The following DAB1 variants were observed in gnomAD, a reference collection of about 807,000 sequenced individuals.
The protein encoded by DAB1 is disabled homolog 1.
Under a neutral mutation model 64.6 loss-of-function variants are expected in DAB1, and 15 were observed. The observed-to-expected ratio is 0.23, with a 90% CI of 0.16 to 0.36. The LOEUF is 0.36. Among genes scored for constraint, DAB1 ranks in the 10% least tolerant of loss-of-function variants. The pLI is 1.00. For synonymous variants in DAB1, 235 were observed against 251.9 expected (o/e 0.93, Z 0.64); for missense variants, 596 against 706.7 (o/e 0.84, Z 1.78).
rs35817738 is a variant in DAB1 at position 58,313,819 on chromosome 1, A to ATGTGTGTGTG, written n.309+29523_309+29532dup. Among the ~76,000 whole-genome samples, 404 of 120,000 alleles carry ATGTGTGTGTG rather than the reference A, an allele frequency of 3.4e-3. 1 individual carries two copies. The highest frequency in any genetic ancestry group is 6.8e-3 in the African/African-American group (190 of 28,086). The allele number at this position is 120,000 out of a possible 152,430, so 78.7% of individuals were successfully genotyped here. A position where few individuals can be genotyped will look rare whatever the true frequency, so the allele number is the denominator to read the frequency against. The stretch of plus-strand genomic sequence containing the variant: ...GTGGCCATCCTCTCATTGTATCTTC[A>ATGTGTGTGTG]TGTGTGTGTGTGTGTGTGTGTGTGT... On this transcript the variant is annotated intron_variant and non_coding_transcript_variant, in intron 4 of 20. Transcript: ENST00000485760.
chr1:57,337,968 CCCT>C (rs1169346111), intron 1 of DAB1, among the ~76,000 whole-genome samples: 18 of 148,232 alleles, frequency 1.2e-4, no homozygotes, highest in South Asian at 4.5e-4. Flanking sequence ...TCTCTTTTCT[CCCT>C]CCTCCTCCTC....
chr1:58,210,563 C>T (rs1272117778), intron 4 of DAB1, among the ~76,000 whole-genome samples: 3 of 152,190 alleles, frequency 2.0e-5, no homozygotes, highest in Admixed American at 1.3e-4. Context: ...CAATTCATAT[C>T]CAGACAATTC....
chr1:57,222,775 G>T, intron 2 of DAB1, among the ~76,000 whole-genome samples: 1 of 152,192 alleles, frequency 6.6e-6, no homozygotes, highest in Non-Finnish European at 1.5e-5. Flanking sequence ...GTGCATGTTG[G>T]TTGTAACTCC....
intron 2 of DAB1, among the ~76,000 whole-genome samples, chr1:57,209,410 G>T (rs966505173): frequency 6.6e-6 from 1 of 152,208 alleles, no homozygotes; most frequent in African/African-American, 2.4e-5. Context: ...TCTTCACGTT[G>T]CAAACTGGCT....
At chr1:58,520,372 A>T (rs2100450622) in intron 2 of DAB1, among the ~76,000 whole-genome samples, 1 of 152,354 alleles carries the variant, frequency 6.6e-6, no homozygotes, top group Non-Finnish European at 1.5e-5. Context: ...CAAGAATAAG[A>T]ACACAAACTT....
chr1:57,992,564 T>C (rs756855996), intron 5 of DAB1, among the ~76,000 whole-genome samples: 34 of 152,278 alleles, frequency 2.2e-4, no homozygotes, highest in Admixed American at 3.9e-4. Context: ...TAGGTGTTTA[T>C]GATGTGCCCC....
chr1:58,125,881 G>C (rs2100682029), intron 5 of DAB1, among the ~76,000 whole-genome samples: 1 of 152,272 alleles, frequency 6.6e-6, no homozygotes, highest in South Asian at 2.1e-4. Flanking sequence ...GTTTATGACA[G>C]TATCACTCCA....
At chr1:57,260,978 T>A (rs1425135449) in intron 2 of DAB1, among the ~76,000 whole-genome samples, 2 of 152,198 alleles carry the variant, frequency 1.3e-5, no homozygotes, top group African/African-American at 4.8e-5. Context: ...AACCTCTCTG[T>A]GCCTCAATTT....
chr1:58,068,867 A>C (rs888627318), intron 5 of DAB1, among the ~76,000 whole-genome samples: 1 of 152,098 alleles, frequency 6.6e-6, no homozygotes, highest in African/African-American at 2.4e-5. Context: ...GGGAATGAAG[A>C]AAGGCAAACT....
intron 10 of DAB1, among the ~76,000 whole-genome samples, chr1:57,024,751 G>A (rs1646731998): frequency 6.6e-6 from 1 of 152,194 alleles, no homozygotes; most frequent in Admixed American, 6.5e-5. Context: ...AGGGGATAAG[G>A]TTAGAAGATC....
At chr1:57,443,123 G>A (rs760425007) in intron 7 of DAB1, among the ~76,000 whole-genome samples, 1 of 152,172 alleles carries the variant, frequency 6.6e-6, no homozygotes, top group Non-Finnish European at 1.5e-5. Context: ...AACATAGCCT[G>A]CCAAATTCTA....
At chr1:57,169,675 C>T (rs1312070205) in intron 2 of DAB1, among the ~76,000 whole-genome samples, 1 of 152,126 alleles carries the variant, frequency 6.6e-6, no homozygotes, top group Non-Finnish European at 1.5e-5. Flanking sequence ...TCTGATCATC[C>T]TCAATAACTA....
At chr1:58,517,544 C>G (rs114176947) in intron 2 of DAB1, among the ~76,000 whole-genome samples, 1,675 of 152,284 alleles carry the variant, frequency 0.011, 32 homozygotes, top group African/African-American at 0.038. Flanking sequence ...AGAGATCCCT[C>G]AAGTTACATC....
At chr1:57,032,764 G>A (rs1647004155) in intron 9 of DAB1, among the ~76,000 whole-genome samples, 1 of 152,144 alleles carries the variant, frequency 6.6e-6, no homozygotes, top group Non-Finnish European at 1.5e-5. Context: ...TTGTCCTAGA[G>A]GTTTCCCAAT....
chr1:58,239,824 A>C (rs1026198403), intron 4 of DAB1, among the ~76,000 whole-genome samples: 1 of 152,190 alleles, frequency 6.6e-6, no homozygotes, highest in Admixed American at 6.5e-5. Context: ...GAGTGGAGCA[A>C]TAAAGGACTA....
At chr1:58,074,345 A>C (rs966165943) in intron 5 of DAB1, 2 of 151,548 alleles carry the variant, frequency 1.3e-5, no homozygotes, top group Admixed American at 6.6e-5. Flanking sequence ...ATTCTGTTGC[A>C]CTAGGCTTCA....
chr1:58,458,889 G>GT (rs1317794152), intron 3 of DAB1, among the ~76,000 whole-genome samples: 3 of 152,202 alleles, frequency 2.0e-5, no homozygotes, highest in Admixed American at 6.5e-5. Context: ...TGTGGCTCAG[G>GT]TTTTTTTAAC....
At chr1:57,527,677 G>T (rs1255382747) in intron 7 of DAB1, among the ~76,000 whole-genome samples, 3 of 152,140 alleles carry the variant, frequency 2.0e-5, no homozygotes, top group Non-Finnish European at 4.4e-5. Flanking sequence ...CACTGTGCTG[G>T]TTACTAAAGA....
At chr1:57,709,526 G>A (rs1437587922) in intron 6 of DAB1, among the ~76,000 whole-genome samples, 2 of 151,940 alleles carry the variant, frequency 1.3e-5, no homozygotes, top group African/African-American at 2.4e-5. Flanking sequence ...TTACCCCACC[G>A]CCTCAGAAAA....
Sources: gnomAD v4.1 joint callset for allele counts (sites outside exome capture counted in the v4.1 genomes callset) on GRCh38, gnomAD v4.1.1 for gene constraint, MANE v1.5 for transcripts, NCBI Gene and HGNC (gene_info 2026-07-23, HGNC 2026-07-21) for gene names.